Variants in PDZRN4 observed in about 807,000 individuals in gnomAD.
PDZRN4 encodes the protein PDZ domain containing ring finger 4.
A neutral mutation model predicts 99.0 loss-of-function variants in PDZRN4; 70 were observed. The observed-to-expected ratio is 0.71, with a 90% CI of 0.58 to 0.86. PDZRN4 has a LOEUF of 0.86. Among genes scored for constraint, PDZRN4 ranks in the 40% least tolerant of loss-of-function variants. PDZRN4 has a pLI of 0.00. For synonymous variants in PDZRN4, 551 were observed against 501.6 expected, an observed-to-expected ratio of 1.10 and a Z score of -1.32; for missense variants, 1,474 against 1,331.2, an observed-to-expected ratio of 1.11 and a Z score of -1.67.
At chr12:41,276,286 C>T (rs1408732017) in intron 3 of PDZRN4, among the ~76,000 whole-genome samples, 1 of 151,912 alleles carries the variant, frequency 6.6e-6, no homozygotes, top group Non-Finnish European at 1.5e-5. Context: ...AAACAGGGAC[C>T]TAATACAAGA....
At position 41,467,347 on chromosome 12, in the gene PDZRN4, T is replaced by G. The variant is rs1952937281; in HGVS notation, c.844-39109T>G. 3.3e-5 allele frequency among the ~76,000 whole-genome samples: 5 copies of G among 152,228 alleles called. No homozygotes were observed. The South Asian group carries it at 1.0e-3, about 32-fold the overall frequency. The stretch of plus-strand genomic sequence containing the variant: ...AAATATGTGTAATAATAGTACATTC[T>G]TTCACAATCCATCGTCATTGAAATT... On this transcript the variant is annotated intron_variant, in intron 3 of 9. Transcript: ENST00000402685.
intron 3 of PDZRN4, among the ~76,000 whole-genome samples, chr12:41,484,086 G>A (rs1937728823): frequency 6.6e-6 from 1 of 152,018 alleles, no homozygotes; most frequent in African/African-American, 2.4e-5. Flanking sequence ...CTCTAATAAA[G>A]TTTATCAACT....
rs184162649 is a variant in PDZRN4, at chr12:41,459,920, A to C, written c.844-46536A>C. The C allele has an allele frequency of 5.7e-4, 721 of 1,258,576 alleles. 7 individuals carry two copies. The African/African-American group carries it at 0.011, about 19-fold the overall frequency. 78.0% of individuals were successfully genotyped at this position (1,258,576 alleles called of 1,614,324 possible). On this transcript the variant is annotated intron_variant, in intron 3 of 9. Transcript: ENST00000402685. ...GAACAATTACAGCTTTACTGTTTTG[A>C]CTGAAGGAGAAAAAATGACCTTTGT...
At chr12:41,468,901 C>T (rs1184208134) in intron 3 of PDZRN4, among the ~76,000 whole-genome samples, 3 of 151,832 alleles carry the variant, frequency 2.0e-5, no homozygotes, top group African/African-American at 7.3e-5. Context: ...CCCAGCTCCT[C>T]AGGAGGCTGA....
At chr12:41,237,564 T>C (rs987860325) in intron 3 of PDZRN4, among the ~76,000 whole-genome samples, 2 of 152,208 alleles carry the variant, frequency 1.3e-5, no homozygotes, top group Non-Finnish European at 2.9e-5. Context: ...CTGAATGGTA[T>C]TGCCTAGATT....
intron 3 of PDZRN4, among the ~76,000 whole-genome samples, chr12:41,342,425 A>T (rs573970865): frequency 6.2e-4 from 94 of 151,916 alleles, no homozygotes; most frequent in African/African-American, 2.2e-3. Context: ...GGAAGAAAAT[A>T]TTTGCAAACT....
intron 3 of PDZRN4, among the ~76,000 whole-genome samples, chr12:41,361,042 C>T (rs967951522): frequency 2.6e-5 from 4 of 151,842 alleles, no homozygotes; most frequent in African/African-American, 7.3e-5. Flanking sequence ...TGCTTACACA[C>T]ACATATTTAT....
At chr12:41,538,933 A>G (rs1938798032) in intron 5 of PDZRN4, among the ~76,000 whole-genome samples, 1 of 152,008 alleles carries the variant, frequency 6.6e-6, no homozygotes, top group Non-Finnish European at 1.5e-5. Context: ...AAAATTCTAT[A>G]CCATCATTTA....
At chr12:41,279,434 C>T (rs955608414) in intron 3 of PDZRN4, among the ~76,000 whole-genome samples, 10 of 152,120 alleles carry the variant, frequency 6.6e-5, no homozygotes, top group African/African-American at 2.2e-4. Flanking sequence ...AAATGAGAAG[C>T]AGCATCTTCA....
At chr12:41,225,685 TG>T (rs1950989185) in intron 3 of PDZRN4, among the ~76,000 whole-genome samples, 1 of 152,114 alleles carries the variant, frequency 6.6e-6, no homozygotes, top group Admixed American at 6.5e-5. Flanking sequence ...CAACTGAATA[TG>T]GGGGTGGGGG....
chr12:41,317,012 T>C (rs1316689175), intron 3 of PDZRN4, among the ~76,000 whole-genome samples: 1 of 116,708 alleles, frequency 8.6e-6, no homozygotes, highest in Non-Finnish European at 1.8e-5. Flanking sequence ...GGGGGTGTTA[T>C]ATTAGAGTTC....
chr12:41,188,962 G>A lies in PDZRN4; in HGVS notation c.507G>A (p.Arg169=). The part of the protein sequence containing the change: ...GPGPRVLAWR[R]REKALLAQLW... ...GGCCTCGGGTCCTCGCCTGGAGGCG[G>A]CGCGAGAAGGCGCTGCTGGCGCAGC... Residue 169 remains arginine, a synonymous_variant, in exon 1 of 10, where the codon CGG becomes CGA. Transcript: ENST00000402685. The A allele has an allele frequency of 1.4e-6, 2 of 1,464,014 alleles. No homozygotes were observed. Among genetic ancestry groups the A allele is most frequent in the Non-Finnish European group, 1.8e-6 (2 of 1,109,154 alleles). 90.7% of individuals were successfully genotyped at this position (1,464,014 alleles called of 1,614,324 possible).
chr12:41,272,000 A>G (rs976808141), intron 3 of PDZRN4, among the ~76,000 whole-genome samples: 5 of 152,092 alleles, frequency 3.3e-5, no homozygotes, highest in African/African-American at 1.2e-4. Context: ...CTATGTTTAT[A>G]TAAGCCTCTA....
intron 3 of PDZRN4, among the ~76,000 whole-genome samples, chr12:41,359,810 A>G (rs1951952425): frequency 6.6e-6 from 1 of 152,006 alleles, no homozygotes; most frequent in African/African-American, 2.4e-5. Flanking sequence ...GTGAGAACGG[A>G]CTTATACATG....
Position 41,573,872 on chromosome 12 carries a change from G to A in PDZRN4, c.3093G>A (p.Leu1031=). Residue 1031 remains leucine (L), a synonymous_variant, in exon 10 of 10, where the codon TTG becomes TTA. Coordinates refer to ENST00000402685, the MANE Select transcript of PDZRN4 (RefSeq NM_001164595.2). ...GCACGAGAGTCCATAATGCCTTCTT[G>A]TCGGTGACCACTGTATGACCGAATG... The part of the protein sequence containing the change: ...PDGTRVHNAF[L]SVTTV 1 of 1,572,412 alleles carries A rather than the reference G, an allele frequency of 6.4e-7. No individual in the cohort carries two copies. The highest frequency in any genetic ancestry group is 8.6e-7 in the Non-Finnish European group (1 of 1,163,258).
At chr12:41,379,473 C>A (rs974368269) in intron 3 of PDZRN4, among the ~76,000 whole-genome samples, 2 of 150,268 alleles carry the variant, frequency 1.3e-5, no homozygotes, top group African/African-American at 4.9e-5. Context: ...TATTTTAGAT[C>A]CTTCTGTTTT....
At chr12:41,409,502 C>T (rs922895483) in intron 3 of PDZRN4, 2 of 152,146 alleles carry the variant, frequency 1.3e-5, no homozygotes, top group African/African-American at 4.8e-5. Context: ...TACTATAGAA[C>T]TTACTGATAT....
At position 41,504,688 on chromosome 12, in the gene PDZRN4, C is replaced by A. The variant is rs1938174453; in HGVS notation, c.844-1768C>A. On this transcript the variant is annotated intron_variant, in intron 3 of 9. Coordinates refer to ENST00000402685, the MANE Select transcript of PDZRN4 (RefSeq NM_001164595.2). ...CAGAAGCTAAAGGAATGAGTGTGAT[C>A]ATGTCCATAGGTGTCTCATGTCCAC... is the stretch of plus-strand genomic sequence containing the variant. Among the ~76,000 whole-genome samples the A allele has an allele frequency of 3.9e-5, 6 of 152,120 alleles. No individual in the cohort carries two copies. In the South Asian group the frequency reaches 1.0e-3, roughly 26 times the overall value.
chr12:41,301,182 G>C lies in PDZRN4; in HGVS notation c.843+106994G>C, dbSNP rs74079517. Among the ~76,000 whole-genome samples, 390 of 152,074 alleles carry C rather than the reference G, an allele frequency of 2.6e-3. 2 individuals carry two copies. The highest frequency in any genetic ancestry group is 9.2e-3 in the African/African-American group (380 of 41,494). ...ATATTTGGCTGTTTGCTTTCAAAGGGGGATGGGGGAAGAGGCAGAAACGAT... is the reference window on the plus strand; with the variant it reads ...ATATTTGGCTGTTTGCTTTCAAAGGCGGATGGGGGAAGAGGCAGAAACGAT... On this transcript the variant is annotated intron_variant, in intron 3 of 9. Coordinates refer to ENST00000402685, the MANE Select transcript of PDZRN4 (RefSeq NM_001164595.2).
Sources: gnomAD v4.1 joint callset for allele counts (sites outside exome capture counted in the v4.1 genomes callset) on GRCh38, gnomAD v4.1.1 for gene constraint, MANE v1.5 for transcripts, NCBI Gene and HGNC (gene_info 2026-07-23, HGNC 2026-07-21) for gene names.